CA8: variants seen among roughly 807,000 people sequenced by gnomAD.
The protein encoded by CA8 is carbonic anhydrase-related protein.
In CA8, 22 loss-of-function variants were observed where a neutral mutation model predicts 41.4. The ratio of observed to expected loss-of-function variants is 0.53; its 90% CI spans 0.38 to 0.76. The LOEUF (loss-of-function observed/expected upper bound fraction) is 0.76. Ranked by LOEUF, CA8 falls within the 30% of genes least tolerant of loss-of-function variation. The pLI is 0.00. For missense variants in CA8, 270 were observed against 352.8 expected (o/e 0.77, Z 1.88); for synonymous variants, 121 against 130.6 (o/e 0.93, Z 0.50).
chr8:60,239,439 G>T (rs1159522515), intron 3 of CA8, among the ~76,000 whole-genome samples: 1 of 152,086 alleles, frequency 6.6e-6, no homozygotes, highest in East Asian at 1.9e-4. Context: ...GGAAGAAGAA[G>T]AACTGTCTTG....
chr8:60,232,137 AG>A (rs1807669362), intron 4 of CA8, 146 bp downstream of exon 4: 2 of 678,196 alleles, frequency 2.9e-6, no homozygotes, highest in African/African-American at 1.8e-5. Context: ...ATAAACCATA[AG>A]GATCAAGTTT....
intron 4 of CA8, among the ~76,000 whole-genome samples, chr8:60,229,557 T>A (rs1807569093): frequency 6.6e-6 from 1 of 152,082 alleles, no homozygotes; most frequent in South Asian, 2.1e-4. Flanking sequence ...GGGTGACCCA[T>A]CCCCTCCCTG....
intron 7 of CA8, among the ~76,000 whole-genome samples, chr8:60,211,338 T>A (rs943212924): frequency 3.3e-5 from 5 of 152,240 alleles, no homozygotes; most frequent in Admixed American, 6.5e-5. Context: ...AAAGTATTTA[T>A]AATAAACCAA....
chr8:60,190,942 A>AC (rs1182427009), intron 8 of CA8, among the ~76,000 whole-genome samples: 6 of 125,058 alleles, frequency 4.8e-5, no homozygotes, highest in African/African-American at 9.1e-5. Context: ...CACACACTAT[A>AC]TATATATATA....
intron 3 of CA8, among the ~76,000 whole-genome samples, chr8:60,256,680 T>A (rs1027346591): frequency 5.3e-5 from 8 of 152,218 alleles, no homozygotes; most frequent in African/African-American, 1.9e-4. Flanking sequence ...TTGACTCAAT[T>A]AGAAGTTTTA....
At position 60,187,654 on chromosome 8, in the gene CA8, C is replaced by CA. The variant is rs1424155573; in HGVS notation, c.*2366dup. 6.6e-6 allele frequency: 1 copy of CA among 152,124 alleles called. No homozygotes were observed. The highest frequency in any genetic ancestry group is 2.4e-5 in the African/African-American group (1 of 41,438). 9.4% of individuals were successfully genotyped at this position (152,124 alleles called of 1,614,324 possible). A position where few individuals can be genotyped will look rare whatever the true frequency, so the allele number is the denominator to read the frequency against. On this transcript the variant is annotated 3_prime_UTR_variant, in exon 9 of 9. Transcript: ENST00000317995. ...TCTTAATTGGCAAACCTTCTGACAA[C>CA]AGTATTACTTTACACACCATCAGGT...
rs1585853423 is a variant in CA8 at position 60,208,781 on chromosome 8, T to C, written c.*4A>G. ...GAAGACAGACTTGTTCCTGTCCTCT[T>C]TGGCTACTGAAATGCAGCTCTAATG... is the stretch of plus-strand genomic sequence containing the variant. On this transcript the variant is annotated 3_prime_UTR_variant, in exon 8 of 9. Transcript: ENST00000317995. 1.3e-5 allele frequency: 21 copies of C among 1,614,188 alleles called. No homozygotes were observed. Among genetic ancestry groups the C allele is most frequent in the Non-Finnish European group, 1.8e-5 (21 of 1,180,024 alleles).
intron 4 of CA8, among the ~76,000 whole-genome samples, chr8:60,231,869 T>A (rs533905563): frequency 6.6e-6 from 1 of 152,294 alleles, no homozygotes; most frequent in South Asian, 2.1e-4. Flanking sequence ...TTTCAAGTCA[T>A]CTCAGAGTGA....
At chr8:60,237,310 T>C (rs1326631564) in intron 3 of CA8, among the ~76,000 whole-genome samples, 2 of 152,218 alleles carry the variant, frequency 1.3e-5, no homozygotes, top group African/African-American at 2.4e-5. Flanking sequence ...CTTTTTCCTA[T>C]ATTCTTATCA....
chr8:60,266,145 A>G, intron 2 of CA8, 96 bp from the exon 3 acceptor site: 2 of 1,170,730 alleles, frequency 1.7e-6, no homozygotes, highest in Non-Finnish European at 2.4e-6. Context: ...AAATGCTCTC[A>G]TGGGCTCTAC....
At chr8:60,194,365 A>G (rs1806218875) in intron 8 of CA8, among the ~76,000 whole-genome samples, 1 of 152,128 alleles carries the variant, frequency 6.6e-6, no homozygotes, top group Admixed American at 6.6e-5. Context: ...CACCATCACC[A>G]CTGGATAAGC....
intron 3 of CA8, among the ~76,000 whole-genome samples, chr8:60,264,113 T>G (rs1223144019): frequency 6.6e-6 from 1 of 152,254 alleles, no homozygotes; most frequent in African/African-American, 2.4e-5. Flanking sequence ...GGACCGGAGC[T>G]GCTGAAACGT....
At chr8:60,215,146 C>A (rs1563529521) in intron 7 of CA8, among the ~76,000 whole-genome samples, 1 of 152,104 alleles carries the variant, frequency 6.6e-6, no homozygotes, top group Non-Finnish European at 1.5e-5. Flanking sequence ...TTTAATGACT[C>A]TGTGAAATCA....
At chr8:60,246,889 T>C (rs962589506) in intron 3 of CA8, among the ~76,000 whole-genome samples, 2 of 140,784 alleles carry the variant, frequency 1.4e-5, no homozygotes, top group African/African-American at 5.4e-5. Context: ...TTTTTTTTTT[T>C]TTTTTTTTTT....
chr8:60,280,987 C>T (rs1585946828), intron 1 of CA8, 61 bp downstream of exon 1: 3 of 1,265,600 alleles, frequency 2.4e-6, no homozygotes, highest in Non-Finnish European at 2.3e-6. Flanking sequence ...TCGAGTCCCG[C>T]GCTCGGCGAG....
At chr8:60,274,496 T>C (rs574486645) in intron 2 of CA8, among the ~76,000 whole-genome samples, 7 of 152,334 alleles carry the variant, frequency 4.6e-5, no homozygotes, top group Non-Finnish European at 2.9e-5. Flanking sequence ...ATGGTTTGAA[T>C]GCCTGCATCC....
At chr8:60,198,209 C>T in intron 8 of CA8, among the ~76,000 whole-genome samples, 1 of 152,122 alleles carries the variant, frequency 6.6e-6, no homozygotes, top group Non-Finnish European at 1.5e-5. Context: ...TAGCAAGTTA[C>T]TCAACGCATC....
At chr8:60,217,637 A>G (rs1242169994) in intron 7 of CA8, among the ~76,000 whole-genome samples, 2 of 152,262 alleles carry the variant, frequency 1.3e-5, no homozygotes, top group East Asian at 1.9e-4. Flanking sequence ...CAAACTCTCA[A>G]TATGCAACCA....
intron 4 of CA8, among the ~76,000 whole-genome samples, chr8:60,228,941 G>C (rs1807539872): frequency 6.6e-6 from 1 of 152,044 alleles, no homozygotes; most frequent in Admixed American, 6.6e-5. Context: ...AAGAAATGAT[G>C]ACCAGCAAAA....
Sources: allele counts gnomAD v4.1 joint callset (sites outside exome capture counted in the v4.1 genomes callset), GRCh38; gene constraint gnomAD v4.1.1; transcripts MANE v1.5; gene names NCBI Gene and HGNC (gene_info 2026-07-23, HGNC 2026-07-21).